UGT8: variants seen among roughly 807,000 people sequenced by gnomAD.
UGT8 encodes the protein 2-hydroxyacylsphingosine 1-beta-galactosyltransferase.
A neutral mutation model predicts 40.5 loss-of-function variants in UGT8; 12 were observed. The ratio of observed to expected loss-of-function variants is 0.30; its 90% CI spans 0.19 to 0.48. UGT8 has a LOEUF of 0.48. UGT8 is among the 20% of genes least tolerant of loss of function. The probability of loss-of-function intolerance (pLI) is 0.99; values close to 1 mark genes in which losing one functional copy is unlikely to be tolerated. For missense variants in UGT8, 513 were observed against 648.7 expected, an observed-to-expected ratio of 0.79 and a Z score of 2.27; for synonymous variants, 224 against 240.4, an observed-to-expected ratio of 0.93 and a Z score of 0.63.
intron 2 of UGT8, among the ~76,000 whole-genome samples, chr4:114,642,819 A>G (rs1427052280): frequency 6.6e-6 from 1 of 152,166 alleles, no homozygotes; most frequent in African/African-American, 2.4e-5. Flanking sequence ...TTGTTTAATG[A>G]CAATATTTTA....
chr4:114,639,887 A>G (rs1380594903), intron 2 of UGT8, among the ~76,000 whole-genome samples: 3 of 152,200 alleles, frequency 2.0e-5, no homozygotes, highest in African/African-American at 4.8e-5. Context: ...TATGAAAGCA[A>G]TGAACTGGAA....
At chr4:114,633,283 A>G (rs7677294) in intron 2 of UGT8, among the ~76,000 whole-genome samples, 22,021 of 152,206 alleles carry the variant, frequency 0.14, 2,087 homozygotes, top group Middle Eastern at 0.19. Context: ...AAACAAATTA[A>G]TATGATGCAT....
intron 3 of UGT8, 116 bp downstream of exon 3, chr4:114,664,253 C>A: frequency 8.8e-7 from 1 of 1,134,624 alleles, no homozygotes; most frequent in Non-Finnish European, 1.2e-6. Context: ...AGCAAGATGC[C>A]CTTGACTTTC....
chr4:114,640,529 C>T (rs1349214485), intron 2 of UGT8, among the ~76,000 whole-genome samples: 1 of 152,060 alleles, frequency 6.6e-6, no homozygotes, highest in East Asian at 1.9e-4. Flanking sequence ...AATTCAAAGA[C>T]ATATGCTAGG....
At chr4:114,615,564 C>T (rs1172775928) in intron 1 of UGT8, among the ~76,000 whole-genome samples, 1 of 152,284 alleles carries the variant, frequency 6.6e-6, no homozygotes, top group East Asian at 1.9e-4. Flanking sequence ...TGGGCATAAG[C>T]AGGCAGGGCT....
chr4:114,644,984 T>G (rs1001095380), intron 2 of UGT8, among the ~76,000 whole-genome samples: 3 of 152,184 alleles, frequency 2.0e-5, no homozygotes, highest in Admixed American at 2.0e-4. Flanking sequence ...CTACTATAAT[T>G]AATTCTGCTA....
intron 2 of UGT8, among the ~76,000 whole-genome samples, chr4:114,652,795 A>T (rs1320712566): frequency 6.6e-6 from 1 of 152,044 alleles, no homozygotes; most frequent in African/African-American, 2.4e-5. Flanking sequence ...TATGTTTGAT[A>T]ACTGATGTTT....
chr4:114,607,449 C>G (rs933344660), intron 1 of UGT8, among the ~76,000 whole-genome samples: 1 of 152,082 alleles, frequency 6.6e-6, no homozygotes, highest in Non-Finnish European at 1.5e-5. Context: ...TGGTAACTCC[C>G]CATCTGATCT....
rs189490418 is a variant in UGT8, at chr4:114,633,670, G to C, written c.822+9968G>C. ...TTAGAAAATCCACACTCTGGGCCAG[G>C]TATGGTGGCTTTCGCCTGTCATCCC... On this transcript the variant is annotated intron_variant, in intron 2 of 5. Transcript: ENST00000310836. 2.6e-3 allele frequency among the ~76,000 whole-genome samples: 392 copies of C among 152,360 alleles called. 2 individuals are homozygous for C. Among genetic ancestry groups the C allele is most frequent in the Non-Finnish European group, 3.7e-3 (250 of 68,042 alleles).
At chr4:114,670,512 T>G (rs1351599778) in intron 5 of UGT8, among the ~76,000 whole-genome samples, 1 of 145,406 alleles carries the variant, frequency 6.9e-6, no homozygotes, top group African/African-American at 2.5e-5. Flanking sequence ...TGGTTCAACA[T>G]ATGTAAATCT....
At position 114,676,032 on chromosome 4, in the gene UGT8, C is replaced by A. The variant is rs749224062; in HGVS notation, c.1370C>A (p.Ala457Asp). 1.8e-5 allele frequency: 29 copies of A among 1,614,186 alleles called. No individual in the cohort carries two copies. The East Asian group carries it at 6.2e-4, about 35-fold the overall frequency. The change falls in exon 6 of 6, where the codon GCC becomes GAC. Residue 457 changes from alanine to aspartate, a missense_variant. Around this residue, in one of 3 missense-constraint regions of UGT8, gnomAD observed 175 missense variants for 186.7 expected, o/e 0.94. Coordinates refer to ENST00000310836, the MANE Select transcript of UGT8 (RefSeq NM_001128174.3). ...GATTATATTATTCGTCACAATGGAG[C>A]CCATCACCTACGTGCCGCTGTCCAT... Reference protein sequence around the residue: ...WIDYIIRHNGAHHLRAAVHQI... With the variant: ...WIDYIIRHNGDHHLRAAVHQI...
At chr4:114,622,573 A>G (rs571149440) in intron 1 of UGT8, 46 of 264,644 alleles carry the variant, frequency 1.7e-4, no homozygotes, top group Admixed American at 1.3e-3. Flanking sequence ...AAGTGTTCCT[A>G]TTTCTCCACA....
chr4:114,646,031 A>G (rs1437901049), intron 2 of UGT8, among the ~76,000 whole-genome samples: 1 of 152,198 alleles, frequency 6.6e-6, no homozygotes, highest in Non-Finnish European at 1.5e-5. Flanking sequence ...ATTATGTAGT[A>G]TATGTAATAA....
At chr4:114,613,502 T>C (rs1731213051) in intron 1 of UGT8, among the ~76,000 whole-genome samples, 1 of 152,170 alleles carries the variant, frequency 6.6e-6, no homozygotes, top group South Asian at 2.1e-4. Context: ...GCTGGTACTT[T>C]GTATATAGAA....
chr4:114,660,272 A>G (rs1223844750), intron 2 of UGT8, among the ~76,000 whole-genome samples: 3 of 152,226 alleles, frequency 2.0e-5, no homozygotes, highest in Admixed American at 6.5e-5. Flanking sequence ...TCTAGGTTCT[A>G]TTCTTTAAAA....
rs1225318306 is a variant in UGT8 at position 114,675,930 on chromosome 4, G to A, written c.1268G>A (p.Arg423His). The change falls in exon 6 of 6, where the codon CGT (arginine) becomes CAT (histidine). Residue 423 changes from arginine to histidine, a missense_variant. Arg to His is a conservative substitution (Grantham distance 29). This residue lies in a region of UGT8 where 175 missense variants were observed against 186.7 expected (regional missense o/e 0.94). Transcript: ENST00000310836. ...GTTTTGTCCCCTCTCCATAGCTACC[G>A]TCAGAGGGCTCAGAAGCTTTCGGAA... ...LVKVINNPSY[R>H]QRAQKLSEIH... is the part of the protein sequence containing the mutation. The A allele has an allele frequency of 1.3e-5, 21 of 1,611,240 alleles. No individual in the cohort carries two copies. In the East Asian group the frequency reaches 3.6e-4, roughly 27 times the overall value.
At position 114,677,491 on chromosome 4, in the gene UGT8, G is replaced by A. The variant is rs1735729372; in HGVS notation, c.*1203G>A. 6.6e-6 allele frequency: 1 copy of A among 152,220 alleles called. No individual in the cohort carries two copies. Among genetic ancestry groups the A allele is most frequent in the Non-Finnish European group, 1.5e-5 (1 of 68,048 alleles). 9.4% of individuals were successfully genotyped at this position (152,220 alleles called of 1,614,324 possible). A position where few individuals can be genotyped will look rare whatever the true frequency, so the allele number is the denominator to read the frequency against. On this transcript the variant is annotated 3_prime_UTR_variant, in exon 6 of 6. Transcript: ENST00000310836. ...TTGAACCACTTGTTTGTGAAAATGA[G>A]TTCCTGTCATCTTCCTCATTCACTC...
chr4:114,640,094 G>A (rs1289180461), intron 2 of UGT8, among the ~76,000 whole-genome samples: 2 of 147,952 alleles, frequency 1.4e-5, no homozygotes, highest in African/African-American at 2.5e-5. Context: ...GCAGTGGCGC[G>A]ATCTCGGCTC....
At chr4:114,658,913 G>A (rs1734352449) in intron 2 of UGT8, among the ~76,000 whole-genome samples, 1 of 151,966 alleles carries the variant, frequency 6.6e-6, no homozygotes, top group African/African-American at 2.4e-5. Flanking sequence ...GTTGCTCCCC[G>A]AGTCTGACTC....
Sources: gnomAD v4.1 joint callset for allele counts (sites outside exome capture counted in the v4.1 genomes callset) on GRCh38, gnomAD v4.1.1 for gene constraint, gnomAD v4.1.1 regional missense constraint, MANE v1.5 for transcripts, NCBI Gene and HGNC (gene_info 2026-07-23, HGNC 2026-07-21) for gene names.